SH3KBP1: variants seen among roughly 807,000 people sequenced by gnomAD.
SH3KBP1 encodes SH3 domain containing kinase binding protein 1.
A neutral mutation model predicts 50.1 loss-of-function variants in SH3KBP1; 8 were observed. That is an observed-to-expected ratio of 0.16 (90% CI 0.09 to 0.29). SH3KBP1 has a LOEUF of 0.29. Among genes scored for constraint, SH3KBP1 ranks in the 10% least tolerant of loss-of-function variants. The pLI is 1.00. For missense variants in SH3KBP1, 377 were observed against 535.2 expected, an observed-to-expected ratio of 0.70 and a Z score of 2.92; for synonymous variants, 227 against 218.6, an observed-to-expected ratio of 1.04 and a Z score of -0.34.
At chrX:19,873,290 G>GTATATATATA (rs60336593) in intron 1 of SH3KBP1, among the ~76,000 whole-genome samples, 5 of 71,335 alleles carry the variant, frequency 7.0e-5, no homozygotes, top group African/African-American at 9.6e-5. Flanking sequence ...ATATATATAT[G>GTATATATATA]TATATATATA....
chrX:19,691,381 TTA>T (rs10694812), intron 5 of SH3KBP1, among the ~76,000 whole-genome samples: 1,349 of 95,275 alleles, frequency 0.014, 52 homozygotes, highest in Admixed American at 0.097. Flanking sequence ...TCTTTTGAGA[TTA>T]TATATATATA....
intron 2 of SH3KBP1, among the ~76,000 whole-genome samples, chrX:19,758,157 C>T (rs2065266337): frequency 9.2e-6 from 1 of 109,006 alleles, no homozygotes; most frequent in East Asian, 2.9e-4. Context: ...GAAACTCCGC[C>T]TCTACTAAAA....
intron 7 of SH3KBP1, among the ~76,000 whole-genome samples, chrX:19,644,148 G>A (rs1254390935): frequency 9.0e-6 from 1 of 111,241 alleles, no homozygotes; most frequent in Non-Finnish European, 1.9e-5. Flanking sequence ...AGCCCCTCTT[G>A]GACCCCAGAA....
At chrX:19,798,535 G>T (rs1347881871) in intron 2 of SH3KBP1, among the ~76,000 whole-genome samples, 1 of 111,751 alleles carries the variant, frequency 8.9e-6, no homozygotes, top group Non-Finnish European at 1.9e-5. Flanking sequence ...TGGGTCCTCA[G>T]TTCCCATCAT....
chrX:19,878,505 T>TGTGTGTGTGTGTGTGAGAGA (rs1491094714), intron 1 of SH3KBP1, among the ~76,000 whole-genome samples: 58 of 48,253 alleles, frequency 1.2e-3, no homozygotes, highest in African/African-American at 2.7e-3. Context: ...TGTGTGTGTG[T>TGTGTGTGTGTGTGTGAGAGA]GAGAGAGAGA....
In SH3KBP1 at chrX:19,828,233, C is replaced by G. The variant is rs764412050; in HGVS notation, c.162+7892G>C. 2.7e-5 allele frequency among the ~76,000 whole-genome samples: 3 copies of G among 109,725 alleles called. No homozygotes were observed. The South Asian group carries it at 1.1e-3, about 41-fold the overall frequency. ...CCAGTTTTGAACCTAACTTAGCAAT[C>G]TTATTTGAACATTCCTTTTTCCACT... On this transcript the variant is annotated intron_variant, in intron 2 of 17. Transcript: ENST00000397821.
At chrX:19,549,406 A>G (rs1411423950) in intron 14 of SH3KBP1, among the ~76,000 whole-genome samples, 4 of 111,545 alleles carry the variant, frequency 3.6e-5, no homozygotes, top group Non-Finnish European at 1.9e-5. Flanking sequence ...GTCATTCAAA[A>G]CAACCCAAAC....
intron 2 of SH3KBP1, among the ~76,000 whole-genome samples, chrX:19,752,134 T>C (rs769438829): frequency 8.9e-6 from 1 of 112,431 alleles, no homozygotes; most frequent in Non-Finnish European, 1.9e-5. Flanking sequence ...CATCCTTTAC[T>C]TCTTTCACCA....
rs1256058798 is a variant in SH3KBP1, at chrX:19,717,980, T to C, written c.287-10996A>G. Reference sequence around the variant, plus strand: ...TAGCAAATGCATATATGCACAGAGATCTACATGTGAAACCTGGATGTCTAC... The same window carrying C: ...TAGCAAATGCATATATGCACAGAGACCTACATGTGAAACCTGGATGTCTAC... On this transcript the variant is annotated intron_variant, in intron 3 of 17. Coordinates refer to ENST00000397821, the MANE Select transcript of SH3KBP1 (RefSeq NM_031892.3). Among the ~76,000 whole-genome samples, 4 of 111,342 alleles carry C rather than the reference T, an allele frequency of 3.6e-5. No homozygotes were observed. The East Asian group carries it at 8.4e-4, about 23-fold the overall frequency.
intron 6 of SH3KBP1, among the ~76,000 whole-genome samples, chrX:19,669,786 C>G (rs1387826792): frequency 1.8e-5 from 2 of 111,707 alleles, no homozygotes; most frequent in South Asian, 3.7e-4. Context: ...CTGCCTCTGT[C>G]CTCCTTTCTA....
intron 6 of SH3KBP1, among the ~76,000 whole-genome samples, chrX:19,668,957 TA>T (rs367734572): frequency 0.12 from 9,762 of 78,532 alleles, 717 homozygotes; most frequent in African/African-American, 0.15. Context: ...TATATATATA[TA>T]TATATATATA....
intron 2 of SH3KBP1, among the ~76,000 whole-genome samples, chrX:19,765,548 T>A (rs775655529): frequency 7.3e-4 from 81 of 111,707 alleles, no homozygotes; most frequent in African/African-American, 1.5e-3. Flanking sequence ...TTAAAAAAAA[T>A]TTTTTTTAAT....
At chrX:19,844,124 T>C (rs755221033) in intron 1 of SH3KBP1, among the ~76,000 whole-genome samples, 53 of 111,681 alleles carry the variant, frequency 4.7e-4, no homozygotes, top group African/African-American at 1.7e-3. Flanking sequence ...ATCTGTAAAC[T>C]GTATACAGAA....
chrX:19,679,926 C>T (rs1456563162), intron 6 of SH3KBP1, among the ~76,000 whole-genome samples: 1 of 112,501 alleles, frequency 8.9e-6, no homozygotes, highest in Non-Finnish European at 1.9e-5. Context: ...AGAATACCTA[C>T]ATGAACTATT....
chrX:19,578,361 C>T (rs1018201981), intron 12 of SH3KBP1, among the ~76,000 whole-genome samples: 4 of 111,553 alleles, frequency 3.6e-5, no homozygotes, highest in African/African-American at 9.8e-5. Flanking sequence ...CCTGTCCAGT[C>T]GGGTGCCTGA....
At chrX:19,566,015 C>T (rs963425729) in intron 13 of SH3KBP1, among the ~76,000 whole-genome samples, 1 of 103,488 alleles carries the variant, frequency 9.7e-6, no homozygotes, top group African/African-American at 3.6e-5. Context: ...ACCTTTGTCT[C>T]CCGGGTTCAA....
At chrX:19,575,336 T>C (rs2066165838) in intron 12 of SH3KBP1, among the ~76,000 whole-genome samples, 1 of 111,777 alleles carries the variant, frequency 8.9e-6, no homozygotes, top group Non-Finnish European at 1.9e-5. Context: ...TGAACCCTTG[T>C]CAGGGAGGGG....
At chrX:19,740,330 T>C (rs1328116750) in intron 3 of SH3KBP1, among the ~76,000 whole-genome samples, 1 of 111,897 alleles carries the variant, frequency 8.9e-6, no homozygotes, top group Non-Finnish European at 1.9e-5. Flanking sequence ...AATAAGACTA[T>C]AGATGCGTAT....
intron 8 of SH3KBP1, among the ~76,000 whole-genome samples, chrX:19,614,943 A>AT (rs1470867251): frequency 8.9e-6 from 1 of 112,087 alleles, no homozygotes; most frequent in Non-Finnish European, 1.9e-5. Context: ...TTGACTGAAT[A>AT]GATGAATGAC....
Sources: allele counts gnomAD v4.1 joint callset (sites outside exome capture counted in the v4.1 genomes callset), GRCh38; gene constraint gnomAD v4.1.1; transcripts MANE v1.5; gene names NCBI Gene and HGNC (gene_info 2026-07-23, HGNC 2026-07-21).